The following BAZ2B variants were observed in gnomAD, a reference collection of about 807,000 sequenced individuals.
BAZ2B encodes the protein bromodomain adjacent to zinc finger domain 2B.
In BAZ2B, 91 loss-of-function variants were observed where a neutral mutation model predicts 246.0. The observed-to-expected ratio is 0.37, with a 90% CI of 0.31 to 0.44. BAZ2B has a LOEUF of 0.44. Ranked by LOEUF, BAZ2B falls within the 20% of genes least tolerant of loss-of-function variation. The probability of loss-of-function intolerance (pLI) is 1.00; values close to 1 mark genes in which losing one functional copy is unlikely to be tolerated. For missense variants in BAZ2B, 2,332 were observed against 2,533.7 expected (o/e 0.92, Z 1.71); for synonymous variants, 855 against 860.0 (o/e 0.99, Z 0.10).
At chr2:159,350,542 T>A (rs2058441313) in intron 27 of BAZ2B, among the ~76,000 whole-genome samples, 185 bp from the exon 28 acceptor site, 1 of 151,846 alleles carries the variant, frequency 6.6e-6, no homozygotes, top group African/African-American at 2.4e-5. Flanking sequence ...TTAACATATA[T>A]ATATATATAT....
At chr2:159,442,994 G>A (rs2073698021) in intron 6 of BAZ2B, among the ~76,000 whole-genome samples, 1 of 152,152 alleles carries the variant, frequency 6.6e-6, no homozygotes, top group African/African-American at 2.4e-5. Flanking sequence ...CTATGAGTAT[G>A]GGTATACAGA....
At chr2:159,531,775 C>T (rs964581362) in intron 2 of BAZ2B, among the ~76,000 whole-genome samples, 3 of 152,152 alleles carry the variant, frequency 2.0e-5, no homozygotes, top group Admixed American at 1.3e-4. Flanking sequence ...AATACATCTA[C>T]AGCAGATGAT....
chr2:159,374,389 A>T (rs922824617), intron 26 of BAZ2B, among the ~76,000 whole-genome samples: 2 of 152,182 alleles, frequency 1.3e-5, no homozygotes, highest in African/African-American at 4.8e-5. Flanking sequence ...GACATTTTGT[A>T]TTTATATGAA....
chr2:159,665,889 T>C, the BAZ2B span, among the ~76,000 whole-genome samples: 1 of 152,228 alleles, frequency 6.6e-6, no homozygotes, highest in Admixed American at 6.5e-5. Flanking sequence ...CATATGGACA[T>C]CTTTTTTAGT....
chr2:159,527,965 GACTATAT>G (rs2084934949), intron 2 of BAZ2B, among the ~76,000 whole-genome samples: 1 of 152,112 alleles, frequency 6.6e-6, no homozygotes, highest in Non-Finnish European at 1.5e-5. Flanking sequence ...AAGGCAAAAG[GACTATAT>G]ACACACCTCT....
chr2:159,558,397 C>T (rs376599207), intron 1 of BAZ2B, among the ~76,000 whole-genome samples: 1 of 152,132 alleles, frequency 6.6e-6, no homozygotes, highest in Admixed American at 6.6e-5. Context: ...GCTGGGATTA[C>T]AGGCATGCGC....
At chr2:159,662,191 A>G in the BAZ2B span, among the ~76,000 whole-genome samples, 92 of 152,322 alleles carry the variant, frequency 6.0e-4, no homozygotes, top group African/African-American at 2.0e-3. Context: ...GTTGGCCAAA[A>G]ATAATATTCC....
chr2:159,350,981 G>A lies in BAZ2B; in HGVS notation c.4214-624C>T, dbSNP rs1005567738. Among the ~76,000 whole-genome samples the A allele has an allele frequency of 5.9e-5, 9 of 152,132 alleles. No homozygotes were observed. In the South Asian group the frequency reaches 1.2e-3, roughly 21 times the overall value. ...TAGATGACGAGTTAGTGGGTGCAGC[G>A]CACCAGCATGGCACATGTATACATA... On this transcript the variant is annotated intron_variant, in intron 27 of 36. Transcript: ENST00000392783.
At chr2:159,551,706 C>T (rs559223435) in intron 2 of BAZ2B, among the ~76,000 whole-genome samples, 1 of 152,260 alleles carries the variant, frequency 6.6e-6, no homozygotes, top group East Asian at 1.9e-4. Context: ...GCTATTTAGA[C>T]ACCTTTAATC....
intron 3 of BAZ2B, among the ~76,000 whole-genome samples, 180 bp from the exon 4 acceptor site, chr2:159,453,981 T>C (rs2075410662): frequency 6.6e-6 from 1 of 152,122 alleles, no homozygotes; most frequent in Admixed American, 6.6e-5. Flanking sequence ...CATGAAGACA[T>C]GCTAAAAATC....
chr2:159,333,763 G>A (rs17604990), intron 33 of BAZ2B, among the ~76,000 whole-genome samples: 1 of 152,024 alleles, frequency 6.6e-6, no homozygotes. Flanking sequence ...GTCTAAAATG[G>A]TCTTCTTATA....
chr2:159,674,716 T>TAA, the BAZ2B span, among the ~76,000 whole-genome samples: 6 of 124,748 alleles, frequency 4.8e-5, no homozygotes, highest in African/African-American at 1.8e-4. Flanking sequence ...AGCTCCGTCT[T>TAA]AAAAAAAAAA....
chr2:159,598,942 T>A (rs1440458930), intron 1 of BAZ2B, among the ~76,000 whole-genome samples: 1 of 151,930 alleles, frequency 6.6e-6, no homozygotes, highest in African/African-American at 2.4e-5. Flanking sequence ...CATACATACA[T>A]ACATAAAATA....
intron 25 of BAZ2B, among the ~76,000 whole-genome samples, chr2:159,376,154 T>C (rs1477105864): frequency 3.3e-5 from 5 of 152,208 alleles, no homozygotes; most frequent in Admixed American, 3.3e-4. Flanking sequence ...TTTGTAAGTC[T>C]ATTCATCTGT....
chr2:159,415,546 T>C (rs2067565791), intron 13 of BAZ2B, among the ~76,000 whole-genome samples: 1 of 151,822 alleles, frequency 6.6e-6, no homozygotes, highest in Non-Finnish European at 1.5e-5. Flanking sequence ...TCCAAAATAA[T>C]ATGTTCAGAT....
chr2:159,563,465 A>G (rs2090074840), intron 1 of BAZ2B, among the ~76,000 whole-genome samples: 1 of 152,192 alleles, frequency 6.6e-6, no homozygotes, highest in Non-Finnish European at 1.5e-5. Context: ...CATACATACA[A>G]TTAATTTATA....
chr2:159,347,037 T>C lies in BAZ2B; in HGVS notation c.5454+449A>G, dbSNP rs74902586. Among the ~76,000 whole-genome samples, 1,377 of 152,270 alleles carry C rather than the reference T, an allele frequency of 9.0e-3. 19 individuals carry two copies. The highest frequency in any genetic ancestry group is 0.031 in the African/African-American group (1,308 of 41,552). On this transcript the variant is annotated intron_variant, in intron 31 of 36. Transcript: ENST00000392783. ...GGTCTCCAAATTAAACTATATAGTA[T>C]AAAAGTCTGACATATAACAAGGCTT...
intron 13 of BAZ2B, among the ~76,000 whole-genome samples, chr2:159,418,547 T>A (rs2068162220): frequency 1.3e-5 from 2 of 152,168 alleles, no homozygotes; most frequent in South Asian, 2.1e-4. Context: ...ATTTTACTCA[T>A]CCTGGCTTGA....
chr2:159,425,499 C>A (rs1037277355), intron 13 of BAZ2B, among the ~76,000 whole-genome samples: 1 of 152,020 alleles, frequency 6.6e-6, no homozygotes, highest in African/African-American at 2.4e-5. Context: ...ACATTATATA[C>A]ATAAAACAAG....
Sources: gnomAD v4.1 joint callset for allele counts (sites outside exome capture counted in the v4.1 genomes callset) on GRCh38, gnomAD v4.1.1 for gene constraint, MANE v1.5 for transcripts, NCBI Gene and HGNC (gene_info 2026-07-23, HGNC 2026-07-21) for gene names.